Variants in SUGCT observed in about 807,000 individuals in gnomAD.
SUGCT encodes succinyl-CoA:glutarate-CoA transferase, also known as succinyl-CoA:glutarate CoA-transferase.
Under a neutral mutation model 55.0 loss-of-function variants are expected in SUGCT, and 41 were observed. That is an observed-to-expected ratio of 0.74 (90% confidence interval 0.58 to 0.97). The LOEUF is 0.97. Ranked by LOEUF, SUGCT falls within the 50% of genes least tolerant of loss-of-function variation. SUGCT has a pLI of 0.00. For synonymous variants in SUGCT, 187 were observed against 200.4 expected, an observed-to-expected ratio of 0.93 and a Z score of 0.56; for missense variants, 568 against 547.8, an observed-to-expected ratio of 1.04 and a Z score of -0.37.
At chr7:40,781,482 C>G (rs1382550107) in intron 13 of SUGCT, among the ~76,000 whole-genome samples, 1 of 151,438 alleles carries the variant, frequency 6.6e-6, no homozygotes, top group African/African-American at 2.4e-5. Context: ...CACACACATA[C>G]ACACACACAC....
chr7:40,784,760 A>G (rs1163567599), intron 13 of SUGCT, among the ~76,000 whole-genome samples: 2 of 152,186 alleles, frequency 1.3e-5, no homozygotes, highest in African/African-American at 4.8e-5. Flanking sequence ...AAATACTGAA[A>G]AAAGAGTTAG....
chr7:40,940,391 G>A, the SUGCT span, among the ~76,000 whole-genome samples: 30 of 152,016 alleles, frequency 2.0e-4, no homozygotes, highest in Non-Finnish European at 3.4e-4. Context: ...ATGAATTTTA[G>A]AATTGTTTTT....
rs192375469 is a variant in SUGCT, at chr7:40,146,659, G to A, written c.100+11539G>A. Among the ~76,000 whole-genome samples the A allele has an allele frequency of 4.0e-4, 61 of 152,344 alleles. 1 individual carries two copies. The highest frequency in any genetic ancestry group is 1.4e-3 in the Admixed American group (22 of 15,304). ...TTTGTGGTTTAAGAACGCCTTAAGC[G>A]GTTTTCCACCCTGGGTGGGCCAGGT... On this transcript the variant is annotated intron_variant, in intron 1 of 13. Transcript: ENST00000335693.
chr7:41,020,893 A>T, the SUGCT span, among the ~76,000 whole-genome samples: 1 of 152,254 alleles, frequency 6.6e-6, no homozygotes, highest in African/African-American at 2.4e-5. Flanking sequence ...CGAATGTAGC[A>T]GCAGCCTGAT....
chr7:40,987,321 T>C, the SUGCT span, among the ~76,000 whole-genome samples: 1 of 152,112 alleles, frequency 6.6e-6, no homozygotes, highest in Non-Finnish European at 1.5e-5. Context: ...GAGGAGGATG[T>C]AGAAAGTGGT....
chr7:40,968,940 G>A, the SUGCT span, among the ~76,000 whole-genome samples: 2 of 152,154 alleles, frequency 1.3e-5, no homozygotes, highest in Non-Finnish European at 2.9e-5. Context: ...CTGTAGCCAA[G>A]TGGATCCTGA....
chr7:40,814,489 T>C (rs1791575597), intron 13 of SUGCT, among the ~76,000 whole-genome samples: 1 of 152,008 alleles, frequency 6.6e-6, no homozygotes, highest in East Asian at 1.9e-4. Context: ...GTCCAGTCTA[T>C]TGATAAATCT....
chr7:40,892,188 G>A, the SUGCT span, among the ~76,000 whole-genome samples: 22 of 152,210 alleles, frequency 1.4e-4, no homozygotes, highest in South Asian at 8.3e-4. Flanking sequence ...TATAAAAGGC[G>A]TAAATTTTGA....
the SUGCT span, among the ~76,000 whole-genome samples, chr7:41,026,396 G>A: frequency 1.3e-5 from 2 of 152,106 alleles, no homozygotes; most frequent in Non-Finnish European, 2.9e-5. Flanking sequence ...TTTACAGTTT[G>A]GACCTGGCTG....
intron 12 of SUGCT, among the ~76,000 whole-genome samples, chr7:40,739,116 C>T (rs1249564960): frequency 6.6e-6 from 1 of 152,136 alleles, no homozygotes; most frequent in Non-Finnish European, 1.5e-5. Flanking sequence ...CCAATGGTAA[C>T]TTCTTGCAAA....
chr7:40,693,659 A>C (rs577416438), intron 12 of SUGCT, among the ~76,000 whole-genome samples: 1 of 152,182 alleles, frequency 6.6e-6, no homozygotes, highest in Non-Finnish European at 1.5e-5. Context: ...ATAATCATGA[A>C]ATAAATATCA....
intron 11 of SUGCT, among the ~76,000 whole-genome samples, chr7:40,494,527 T>C (rs1791867897): frequency 6.6e-6 from 1 of 152,318 alleles, no homozygotes; most frequent in African/African-American, 2.4e-5. Context: ...AGTATTTTAT[T>C]GTATACCAAA....
At chr7:40,715,597 T>C (rs1296518076) in intron 12 of SUGCT, among the ~76,000 whole-genome samples, 1 of 152,136 alleles carries the variant, frequency 6.6e-6, no homozygotes, top group African/African-American at 2.4e-5. Context: ...CTACCAAACA[T>C]AAAAGCTACA....
At chr7:40,528,992 C>A (rs992740408) in intron 12 of SUGCT, among the ~76,000 whole-genome samples, 1 of 152,048 alleles carries the variant, frequency 6.6e-6, no homozygotes, top group Admixed American at 6.5e-5. Context: ...AATTAGAACT[C>A]GATATGGGGA....
At chr7:40,950,797 G>C in the SUGCT span, among the ~76,000 whole-genome samples, 1 of 152,174 alleles carries the variant, frequency 6.6e-6, no homozygotes, top group Middle Eastern at 3.2e-3. Flanking sequence ...TTGCATCCCA[G>C]GGATGAAGCC....
At chr7:41,000,233 T>C in the SUGCT span, among the ~76,000 whole-genome samples, 470 of 152,206 alleles carry the variant, frequency 3.1e-3, 2 homozygotes, top group Middle Eastern at 0.037. Context: ...GACATACAGA[T>C]GCATGAACAC....
intron 8 of SUGCT, among the ~76,000 whole-genome samples, chr7:40,308,501 C>T (rs1397995690): frequency 6.6e-6 from 1 of 152,120 alleles, no homozygotes; most frequent in East Asian, 1.9e-4. Flanking sequence ...GAAATCAACA[C>T]CTTCCTATGA....
intron 7 of SUGCT, among the ~76,000 whole-genome samples, chr7:40,241,216 A>C (rs1014142703): frequency 6.6e-6 from 1 of 152,214 alleles, no homozygotes; most frequent in Non-Finnish European, 1.5e-5. Flanking sequence ...GAAAAAACTC[A>C]AAGTGCAACT....
the SUGCT span, among the ~76,000 whole-genome samples, chr7:40,875,974 C>T: frequency 6.6e-6 from 1 of 152,140 alleles, no homozygotes; most frequent in Admixed American, 6.5e-5. Flanking sequence ...CAGAGAGAAG[C>T]TTTGGAATGA....
Sources: allele counts gnomAD v4.1 joint callset (sites outside exome capture counted in the v4.1 genomes callset), GRCh38; gene constraint gnomAD v4.1.1; transcripts MANE v1.5; gene names NCBI Gene and HGNC (gene_info 2026-07-23, HGNC 2026-07-21).